Variants in LRRC9 observed in about 807,000 individuals in gnomAD.
LRRC9 encodes the protein leucine rich repeat containing 9, also known as leucine-rich repeat-containing protein 9.
A neutral mutation model predicts 63.2 loss-of-function variants in LRRC9; 122 were observed. The observed-to-expected ratio is 1.93, with a 90% confidence interval of 1.67 to 2.24. The LOEUF (loss-of-function observed/expected upper bound fraction) is 2.24. LRRC9 is among the 30% of genes most tolerant of loss of function. The pLI, the probability that LRRC9 is intolerant of heterozygous loss-of-function variation, is 0.00. For synonymous variants in LRRC9, 366 were observed against 213.1 expected, an observed-to-expected ratio of 1.72 and a Z score of -6.25; for missense variants, 1,071 against 627.7, an observed-to-expected ratio of 1.71 and a Z score of -7.55.
Position 60,053,768 on chromosome 14 carries a change from A to G in LRRC9, c.4131+563A>G, listed in dbSNP as rs1269819220. 2.7e-6 allele frequency: 1 copy of G among 366,404 alleles called. No individual in the cohort carries two copies. Among genetic ancestry groups the G allele is most frequent in the East Asian group, 7.4e-5 (1 of 13,440 alleles). The allele number at this position is 366,404 out of a possible 1,614,324, so 22.7% of individuals were successfully genotyped here. On this transcript the variant is annotated intron_variant, in intron 30 of 31. Coordinates refer to ENST00000445360, the Ensembl canonical transcript of LRRC9. The surrounding 1 kb of genome is among the most constrained non-coding windows in gnomAD (Gnocchi z 4.8). ...AGGAAAGAGATTAAAAAGGGAAGAA[A>G]TAATAAAAGCATGTCATTTGAAAAT...
rs1221801109 is a variant in LRRC9, at chr14:60,027,062, T to C, written c.3704-822T>C. On this transcript the variant is annotated intron_variant, in intron 27 of 31. Transcript: ENST00000445360. The surrounding 1 kb of genome is among the most constrained non-coding windows in gnomAD (Gnocchi z 4.0). ...ACATAATAATCAAGGAGAATGAATA[T>C]TGACTGAAATGTAGTATGGCATACT... 6.6e-6 allele frequency among the ~76,000 whole-genome samples: 1 copy of C among 152,046 alleles called. No individual in the cohort carries two copies. The highest frequency in any genetic ancestry group is 1.5e-5 in the Non-Finnish European group (1 of 67,982).
chr14:60,050,848 C>G (rs1893834400), intron 29 of LRRC9, among the ~76,000 whole-genome samples: 2 of 152,158 alleles, frequency 1.3e-5, no homozygotes, highest in Non-Finnish European at 2.9e-5. Context: ...CTGCAGTTTG[C>G]TGGGGGTCCA....
intron 10 of LRRC9, among the ~76,000 whole-genome samples, chr14:59,965,029 C>T (rs1419539227): frequency 6.6e-6 from 1 of 152,174 alleles, no homozygotes; most frequent in Admixed American, 6.5e-5. Flanking sequence ...TAGCTCACAC[C>T]CATTTCAGAC....
chr14:59,937,195 TAAAA>T (rs755193026), intron 6 of LRRC9, among the ~76,000 whole-genome samples: 15 of 89,476 alleles, frequency 1.7e-4, no homozygotes, highest in Non-Finnish European at 2.8e-4. Context: ...ATGTTTTCTG[TAAAA>T]AAAAAAAAAA....
chr14:60,062,608 G>T (rs972124549), intron 31 of LRRC9, among the ~76,000 whole-genome samples: 1 of 152,158 alleles, frequency 6.6e-6, no homozygotes, highest in African/African-American at 2.4e-5. Context: ...AAATTCTTCC[G>T]AATTTTCTTT....
intron 29 of LRRC9, among the ~76,000 whole-genome samples, chr14:60,040,738 T>G (rs1892875519): frequency 6.6e-6 from 1 of 152,002 alleles, no homozygotes; most frequent in Non-Finnish European, 1.5e-5. Flanking sequence ...GTCTTTTAAT[T>G]GGAGCATTTA....
At chr14:60,024,519 T>C (rs1891368662) in intron 27 of LRRC9, among the ~76,000 whole-genome samples, 1 of 152,068 alleles carries the variant, frequency 6.6e-6, no homozygotes, top group South Asian at 2.1e-4. Context: ...ATCGAGGTAG[T>C]TGATCTGAGT....
intron 29 of LRRC9, among the ~76,000 whole-genome samples, chr14:60,037,168 A>G (rs1340877507): frequency 2.6e-5 from 4 of 152,162 alleles, no homozygotes; most frequent in Non-Finnish European, 5.9e-5. Context: ...TCTATCAATG[A>G]TGGACATTCG....
chr14:59,942,216 A>G lies in LRRC9; in HGVS notation c.727-2373A>G, dbSNP rs1361003489. Among the ~76,000 whole-genome samples, 4 of 152,122 alleles carry G rather than the reference A, an allele frequency of 2.6e-5. No homozygotes were observed. Among genetic ancestry groups the G allele is most frequent in the Non-Finnish European group, 4.4e-5 (3 of 68,022 alleles). On this transcript the variant is annotated intron_variant, in intron 7 of 31. Transcript: ENST00000445360. The surrounding 1 kb of genome is among the most constrained non-coding windows in gnomAD (Gnocchi z 5.3). ...TGTGTGTGTGTAATGTGATATATAT[A>G]TATTACATTTTCTTTATCCATTCAC...
chr14:59,975,100 T>TGCTG (rs1886022878), intron 13 of LRRC9, among the ~76,000 whole-genome samples: 1 of 78,742 alleles, frequency 1.3e-5, no homozygotes, highest in East Asian at 4.5e-4. Context: ...TATATATATA[T>TGCTG]ACATATATAT....
chr14:59,925,006 G>C (rs1467243263), intron 1 of LRRC9, among the ~76,000 whole-genome samples: 1 of 150,832 alleles, frequency 6.6e-6, no homozygotes, highest in Non-Finnish European at 1.5e-5. Flanking sequence ...TCTTTGCCCA[G>C]ATTCCACCTT....
At chr14:60,018,309 C>A (rs1231301508) in intron 24 of LRRC9, 62 bp from the exon 25 acceptor site, 8 of 671,890 alleles carry the variant, frequency 1.2e-5, no homozygotes, top group Non-Finnish European at 2.1e-5. Context: ...AAGGAACTCA[C>A]CTTTTCCTAT....
At chr14:60,039,604 G>A (rs1035138318) in intron 29 of LRRC9, among the ~76,000 whole-genome samples, 1 of 152,098 alleles carries the variant, frequency 6.6e-6, no homozygotes, top group Non-Finnish European at 1.5e-5. Context: ...GGGATCGGTG[G>A]TGATATCCTG....
At chr14:60,048,914 A>T (rs559953577) in intron 29 of LRRC9, among the ~76,000 whole-genome samples, 40 of 152,324 alleles carry the variant, frequency 2.6e-4, no homozygotes, top group African/African-American at 9.6e-4. Flanking sequence ...ATCCAGCAGC[A>T]TATCAAAAGG....
chr14:59,960,332 T>C (rs1165917546), intron 9 of LRRC9, among the ~76,000 whole-genome samples: 1 of 152,130 alleles, frequency 6.6e-6, no homozygotes, highest in Non-Finnish European at 1.5e-5. Flanking sequence ...ACTCACCAAA[T>C]AGATGAGACC....
At chr14:60,002,557 T>C (rs1010985057) in intron 20 of LRRC9, among the ~76,000 whole-genome samples, 1 of 152,200 alleles carries the variant, frequency 6.6e-6, no homozygotes, top group Non-Finnish European at 1.5e-5. Context: ...ATCTTTAATA[T>C]ATGCAATTTT....
chr14:59,953,738 G>A (rs1016301900), intron 8 of LRRC9, among the ~76,000 whole-genome samples: 3 of 152,102 alleles, frequency 2.0e-5, no homozygotes, highest in African/African-American at 4.8e-5. Context: ...CTTTGCCCAT[G>A]CTTATGTCCT....
chr14:60,049,658 G>A (rs938877566), intron 29 of LRRC9, among the ~76,000 whole-genome samples: 6 of 152,084 alleles, frequency 3.9e-5, no homozygotes, highest in African/African-American at 1.4e-4. Flanking sequence ...AGGTGACTTG[G>A]TCTTTTTCCC....
chr14:60,029,683 T>TA (rs2140321249), intron 28 of LRRC9, among the ~76,000 whole-genome samples: 1 of 152,188 alleles, frequency 6.6e-6, no homozygotes, highest in East Asian at 1.9e-4. Flanking sequence ...AATGAATGGA[T>TA]AGAGATCAGC....
Sources: allele counts gnomAD v4.1 joint callset (sites outside exome capture counted in the v4.1 genomes callset), GRCh38; gene constraint gnomAD v4.1.1; non-coding constraint Gnocchi (gnomAD v3.1); transcripts MANE v1.5; gene names NCBI Gene and HGNC (gene_info 2026-07-23, HGNC 2026-07-21).